The following ZNF217 variants were observed in gnomAD, a reference collection of about 807,000 sequenced individuals.
ZNF217 encodes the protein zinc finger protein 217.
Under a neutral mutation model 73.3 loss-of-function variants are expected in ZNF217, and 12 were observed. The ratio of observed to expected loss-of-function variants is 0.16; its 90% CI spans 0.10 to 0.27. The LOEUF (loss-of-function observed/expected upper bound fraction) is 0.27, where lower values mean the gene tolerates loss of function less well. Ranked by LOEUF, ZNF217 falls within the 10% of genes least tolerant of loss-of-function variation. The pLI is 1.00. For missense variants in ZNF217, 1,195 were observed against 1,327.8 expected, an observed-to-expected ratio of 0.90 and a Z score of 1.55; for synonymous variants, 588 against 516.4, an observed-to-expected ratio of 1.14 and a Z score of -1.88.
At chr20:53,573,736 G>C (rs1424881014) in intron 4 of ZNF217, among the ~76,000 whole-genome samples, 2 of 152,148 alleles carry the variant, frequency 1.3e-5, no homozygotes, top group Admixed American at 6.5e-5. Flanking sequence ...TGGGATTACA[G>C]ATGTGAGCCA....
At chr20:53,586,013 C>T (rs1283105714) in intron 1 of ZNF217, among the ~76,000 whole-genome samples, 1 of 152,154 alleles carries the variant, frequency 6.6e-6, no homozygotes, top group East Asian at 1.9e-4. Flanking sequence ...CCCTGACTAC[C>T]CAGCACACCC....
Position 53,582,136 on chromosome 20 carries a change from G to C in ZNF217, c.691C>G (p.Leu231Val), listed in dbSNP as rs748086506. 1.2e-6 allele frequency: 2 copies of C among 1,614,234 alleles called. No individual in the cohort carries two copies. The highest frequency in any genetic ancestry group is 1.7e-6 in the Non-Finnish European group (2 of 1,180,054). The change falls in exon 2 of 6, where the codon CTA becomes GTA. Residue 231 changes from leucine (L) to valine (V), a missense_variant. By Grantham distance (32) the Leu-to-Val change is conservative. Around this residue, in one of 9 missense-constraint regions of ZNF217, gnomAD observed 126 missense variants for 114.4 expected, o/e 1.10. Transcript: ENST00000371471. This position sits in a 1 kb window ranked among gnomAD's most constrained non-coding sequence, Gnocchi z 4.8. ...CGFLFPNKES[L>V]IEHRKVHTKK... ...GTGTGCACCTTGCGGTGCTCAATTA[G>C]ACTTTCTTTATTTGGAAATAGGAAG...
At chr20:53,588,625 T>TAC (rs1235830944) in intron 1 of ZNF217, among the ~76,000 whole-genome samples, 3 of 136,092 alleles carry the variant, frequency 2.2e-5, no homozygotes, top group Non-Finnish European at 5.1e-5. Context: ...TATATATATA[T>TAC]ACACACACAC....
chr20:53,587,562 A>G (rs554424692), intron 1 of ZNF217, among the ~76,000 whole-genome samples: 1 of 152,340 alleles, frequency 6.6e-6, no homozygotes, highest in East Asian at 1.9e-4. Flanking sequence ...ACAGCTTTGA[A>G]TAAGGTATTC....
rs1988026067 is a variant in ZNF217, at chr20:53,571,873, T to C, written c.3038-20A>G. 1.3e-6 allele frequency: 2 copies of C among 1,575,466 alleles called. No homozygotes were observed. The highest frequency in any genetic ancestry group is 2.4e-5 in the South Asian group (2 of 84,710). On this transcript the variant is annotated intron_variant, in intron 4 of 5. Coordinates refer to ENST00000371471, the MANE Select transcript of ZNF217 (RefSeq NM_006526.3). ...TTTTTCCTGATTGAAAAAAAAAACATATTTAGAGTTAAGGTCAAACAATTA... is the reference window on the plus strand; with the variant it reads ...TTTTTCCTGATTGAAAAAAAAAACACATTTAGAGTTAAGGTCAAACAATTA...
upstream of ZNF217, among the ~76,000 whole-genome samples, chr20:53,594,072 C>A (rs1988986800): frequency 6.7e-6 from 1 of 150,330 alleles, no homozygotes; most frequent in Admixed American, 6.6e-5. Context: ...CCCCCACCCC[C>A]ACCCCCGCCC....
chr20:53,576,091 C>T lies in ZNF217; in HGVS notation c.2673G>A (p.Pro891=), dbSNP rs148869536. Residue 891 remains proline (P), a synonymous_variant, in exon 4 of 6, where the codon CCG becomes CCA. Transcript: ENST00000371471. ...AATAGTCTCTTCCCGGAGGTGCCCACGGGCTGTCGTTCTTGGCGGGGTAGT... is the reference window on the plus strand; with the variant it reads ...AATAGTCTCTTCCCGGAGGTGCCCATGGGCTGTCGTTCTTGGCGGGGTAGT... ...SIDYPAKNDS[P]WAPPGRDYFC... 309 of 1,614,196 alleles carry T rather than the reference C, an allele frequency of 1.9e-4. 1 individual carries two copies. In the African/African-American group the frequency reaches 3.4e-3, roughly 18 times the overall value.
chr20:53,573,171 G>A (rs898455349), intron 4 of ZNF217, among the ~76,000 whole-genome samples: 1 of 150,642 alleles, frequency 6.6e-6, no homozygotes, highest in African/African-American at 2.4e-5. Context: ...CGCCCAGGCT[G>A]GAGTGCAATG....
intron 1 of ZNF217, among the ~76,000 whole-genome samples, chr20:53,585,664 G>C (rs1048672378): frequency 6.6e-6 from 1 of 152,072 alleles, no homozygotes; most frequent in Non-Finnish European, 1.5e-5. Flanking sequence ...CAATTATCTG[G>C]GTTAAAGAAG....
At position 53,575,777 on chromosome 20, in the gene ZNF217, A is replaced by T; in HGVS notation, c.2987T>A (p.Leu996His). 6.2e-7 allele frequency: 1 copy of T among 1,609,478 alleles called. No individual in the cohort carries two copies. The highest frequency in any genetic ancestry group is 8.5e-7 in the Non-Finnish European group (1 of 1,177,756). ...VQKPYGGSGP[L>H]YTCVPAGSPA... ...ACTACCAGCAGGCACACAAGTGTAA[A>T]GTGGCCCGGAGCCACCATAGGGCTT... The change falls in exon 4 of 6, where the codon CTT (leucine) becomes CAT (histidine). Residue 996 changes from leucine to histidine, a missense_variant. This residue lies in a region of ZNF217 where 649 missense variants were observed against 642.8 expected (regional missense o/e 1.01). Transcript: ENST00000371471.
chr20:53,576,995 G>A lies in ZNF217; in HGVS notation c.1769C>T (p.Ala590Val). The change falls in exon 4 of 6, where the codon GCT becomes GTT. Residue 590 changes from alanine to valine, a missense_variant. Coordinates refer to ENST00000371471, the MANE Select transcript of ZNF217 (RefSeq NM_006526.3). ...ATCTTTGTGTGCTGGTGAGAGGACA[G>A]CGCTGCCCAGAACATTCTGAAAAAC... ...PSVFQNVLGS[A>V]VLSPAHKDTQ... The A allele has an allele frequency of 6.2e-7, 1 of 1,614,204 alleles. No individual in the cohort carries two copies. The highest frequency in any genetic ancestry group is 1.3e-5 in the African/African-American group (1 of 75,064).
At chr20:53,594,403 G>A (rs1427347706), upstream of ZNF217, among the ~76,000 whole-genome samples, 11 of 137,206 alleles carry the variant, frequency 8.0e-5, no homozygotes, top group Admixed American at 7.3e-4. Context: ...CCCCGCCCCA[G>A]CGCCCACGTG....
rs763437373 is a variant in ZNF217, at chr20:53,576,584, A to G, written c.2180T>C (p.Met727Thr). The G allele has an allele frequency of 6.2e-7, 1 of 1,614,262 alleles. No homozygotes were observed. Among genetic ancestry groups the G allele is most frequent in the South Asian group, 1.1e-5 (1 of 91,086 alleles). Residue 727 changes from methionine to threonine, a missense_variant, in exon 4 of 6, where the codon ATG becomes ACG. This residue lies in a region of ZNF217 where 649 missense variants were observed against 642.8 expected (regional missense o/e 1.01). Coordinates refer to ENST00000371471, the MANE Select transcript of ZNF217 (RefSeq NM_006526.3). ...GTATTTATGCTCCAGTCTCTGGTGC[A>G]TCATTAAAACTTCTGGATAAAATGT... ...FKTFYPEVLMMHQRLEHKYNP... is the reference protein window; with the variant it reads ...FKTFYPEVLMTHQRLEHKYNP...
rs765463601 is a variant in ZNF217, at chr20:53,576,854, T to C, written c.1910A>G (p.Asn637Ser). 1 of 1,614,204 alleles carries C rather than the reference T, an allele frequency of 6.2e-7. No homozygotes were observed. Among genetic ancestry groups the C allele is most frequent in the Non-Finnish European group, 8.5e-7 (1 of 1,180,034 alleles). ...CGCCTTGGTTCTACAGATGAGGTTA[T>C]TTGCCTGAGTTTCAACTGCTGATCT... Reference protein sequence around the residue: ...KKRSAVETQANNLICRTKADV... With the variant: ...KKRSAVETQASNLICRTKADV... Residue 637 changes from asparagine to serine, a missense_variant, in exon 4 of 6, where the codon AAT (asparagine) becomes AGT (serine). By Grantham distance (46) the Asn-to-Ser change is conservative. Transcript: ENST00000371471.
At chr20:53,592,959 T>C (rs1756516088) in intron 1 of ZNF217, among the ~76,000 whole-genome samples, 1 of 151,982 alleles carries the variant, frequency 6.6e-6, no homozygotes, top group South Asian at 2.1e-4. Context: ...TCCACTAGAA[T>C]TGAGTTGTAA....
chr20:53,583,902 C>A lies in ZNF217; in HGVS notation c.-342-734G>T, dbSNP rs528326682. On this transcript the variant is annotated intron_variant, in intron 1 of 5. Transcript: ENST00000371471. ...TGCCTTCAACAAGCACTGGGTGGGG[C>A]TTCCTAGTCCAAACAACAAATAGGG... is the stretch of plus-strand genomic sequence containing the variant. Among the ~76,000 whole-genome samples the A allele has an allele frequency of 4.6e-5, 7 of 152,354 alleles. No homozygotes were observed. In the East Asian group the frequency reaches 1.3e-3, roughly 29 times the overall value.
At chr20:53,577,345 T>C in intron 3 of ZNF217, 65 bp from the exon 4 acceptor site, 2 of 1,396,910 alleles carry the variant, frequency 1.4e-6, no homozygotes, top group Admixed American at 2.4e-5. Context: ...ATCAAATATC[T>C]ATTTATTAAG....
chr20:53,567,173 TTAAG>T lies in ZNF217; in HGVS notation c.*2111_*2114del, dbSNP rs142172004. The T allele has an allele frequency of 4.4e-4, 67 of 152,612 alleles. No individual in the cohort carries two copies. Among genetic ancestry groups the T allele is most frequent in the African/African-American group, 1.3e-3 (56 of 41,530 alleles). 9.5% of individuals were successfully genotyped at this position (152,612 alleles called of 1,614,324 possible). A position where few individuals can be genotyped will look rare whatever the true frequency, so the allele number is the denominator to read the frequency against. Reference sequence around the variant, plus strand: ...CAAGTAATGTCTACTGTTCGACAACTTAAGTATCAACAATTAAAATAAATCAAAC... The same window carrying T: ...CAAGTAATGTCTACTGTTCGACAACTTATCAACAATTAAAATAAATCAAAC... On this transcript the variant is annotated 3_prime_UTR_variant, in exon 6 of 6. Coordinates refer to ENST00000371471, the MANE Select transcript of ZNF217 (RefSeq NM_006526.3).
At chr20:53,570,202 T>A (rs987242754) in intron 5 of ZNF217, 3 of 152,602 alleles carry the variant, frequency 2.0e-5, no homozygotes, top group African/African-American at 7.2e-5. Flanking sequence ...TAATATAGAG[T>A]GGACTGGATC....
Sources: gnomAD v4.1 joint callset for allele counts (sites outside exome capture counted in the v4.1 genomes callset) on GRCh38, gnomAD v4.1.1 for gene constraint, gnomAD v4.1.1 regional missense constraint, Gnocchi (gnomAD v3.1) non-coding constraint, MANE v1.5 for transcripts, NCBI Gene and HGNC (gene_info 2026-07-23, HGNC 2026-07-21) for gene names.